SPIRE1: variants seen among roughly 807,000 people sequenced by gnomAD.
SPIRE1 encodes protein spire homolog 1.
Under a neutral mutation model 94.1 loss-of-function variants are expected in SPIRE1, and 40 were observed. The ratio of observed to expected loss-of-function variants is 0.43; its 90% CI spans 0.33 to 0.55. The LOEUF is 0.55. Among genes scored for constraint, SPIRE1 ranks in the 20% least tolerant of loss-of-function variants. The pLI is 0.06. For missense variants in SPIRE1, 838 were observed against 975.2 expected, an observed-to-expected ratio of 0.86 and a Z score of 1.87; for synonymous variants, 376 against 371.7, an observed-to-expected ratio of 1.01 and a Z score of -0.13.
chr18:12,516,199 T>G (rs1255071204), intron 4 of SPIRE1: 1 of 152,192 alleles, frequency 6.6e-6, no homozygotes, highest in Non-Finnish European at 1.5e-5. Context: ...AAGATCCTTC[T>G]GTTGAGAAAT....
At chr18:12,484,420 C>T (rs1254605344) in intron 9 of SPIRE1, among the ~76,000 whole-genome samples, 2 of 152,036 alleles carry the variant, frequency 1.3e-5, no homozygotes, top group Non-Finnish European at 2.9e-5. Context: ...CTTCAGTGGT[C>T]AGTCAAAAAT....
Position 12,525,759 on chromosome 18 carries a change from A to G in SPIRE1, c.729+9717T>C, listed in dbSNP as rs189668394. On this transcript the variant is annotated intron_variant, in intron 4 of 16. Coordinates refer to ENST00000409402, the MANE Select transcript of SPIRE1 (RefSeq NM_001128626.2). ...AGATTTCTGTTTTAAAGCAAAAACT[A>G]TCTTTAAAACAAAGGAGTTCTATTT... is the stretch of plus-strand genomic sequence containing the variant. 5.3e-5 allele frequency among the ~76,000 whole-genome samples: 8 copies of G among 152,304 alleles called. No homozygotes were observed. The East Asian group carries it at 9.6e-4, about 18-fold the overall frequency.
chr18:12,521,654 A>C (rs530862524), intron 4 of SPIRE1, among the ~76,000 whole-genome samples: 1 of 152,230 alleles, frequency 6.6e-6, no homozygotes, highest in African/African-American at 2.4e-5. Flanking sequence ...TGTTTTTACA[A>C]ATTGAAGGTT....
At chr18:12,591,505 G>T (rs1042932814) in intron 2 of SPIRE1, among the ~76,000 whole-genome samples, 1 of 152,154 alleles carries the variant, frequency 6.6e-6, no homozygotes, top group Non-Finnish European at 1.5e-5. Context: ...GTTGCCTCTG[G>T]CTCCTGACTG....
chr18:12,451,580 A>G (rs1041009735), intron 16 of SPIRE1, among the ~76,000 whole-genome samples: 8 of 152,210 alleles, frequency 5.3e-5, no homozygotes, highest in African/African-American at 1.9e-4. Context: ...ACAGAGGCAG[A>G]CGTTTCAGGC....
chr18:12,628,012 A>C (rs1465662346), intron 2 of SPIRE1, among the ~76,000 whole-genome samples: 3 of 151,682 alleles, frequency 2.0e-5, no homozygotes, highest in Non-Finnish European at 4.4e-5. Context: ...TTTCCTGTTC[A>C]CTCTGAGGGT....
chr18:12,658,022 G>A lies in SPIRE1; in HGVS notation c.-156C>T. 1 of 992,980 alleles carries A rather than the reference G, an allele frequency of 1.0e-6. No homozygotes were observed. Among genetic ancestry groups the A allele is most frequent in the Non-Finnish European group, 1.2e-6 (1 of 836,122 alleles). 61.5% of individuals were successfully genotyped at this position (992,980 alleles called of 1,614,324 possible). A position where few individuals can be genotyped will look rare whatever the true frequency, so the allele number is the denominator to read the frequency against. ...GCCGCCGGGACCAGGCGAGTGCCCG[G>A]GAGGCGTGGGCAAGAGGAGGGCGGC... On this transcript the variant is annotated 5_prime_UTR_variant, in exon 1 of 17. Transcript: ENST00000409402.
chr18:12,560,552 GA>G (rs1334964927), intron 2 of SPIRE1, among the ~76,000 whole-genome samples: 10 of 152,122 alleles, frequency 6.6e-5, no homozygotes, highest in Admixed American at 2.6e-4. Flanking sequence ...TGAACTTCTG[GA>G]GATAGCAGAA....
chr18:12,590,383 C>G lies in SPIRE1; in HGVS notation c.373-43479G>C, dbSNP rs551376046. Among the ~76,000 whole-genome samples the G allele has an allele frequency of 3.9e-5, 6 of 152,238 alleles. No individual in the cohort carries two copies. The South Asian group carries it at 1.2e-3, about 32-fold the overall frequency. On this transcript the variant is annotated intron_variant, in intron 2 of 16. Transcript: ENST00000409402. ...GGGATTACAGACGTGAGCCACCGTGCCTGGCCGCATCTCCTAATTTCTGAA... is the reference window on the plus strand; with the variant it reads ...GGGATTACAGACGTGAGCCACCGTGGCTGGCCGCATCTCCTAATTTCTGAA...
intron 4 of SPIRE1, among the ~76,000 whole-genome samples, chr18:12,529,503 T>C (rs1011613944): frequency 2.4e-4 from 36 of 152,086 alleles, no homozygotes; most frequent in African/African-American, 8.5e-4. Context: ...AAGACAACAC[T>C]TATAAGAAGC....
chr18:12,573,833 G>A (rs559346920), intron 2 of SPIRE1, among the ~76,000 whole-genome samples: 2 of 151,928 alleles, frequency 1.3e-5, no homozygotes, highest in East Asian at 1.9e-4. Flanking sequence ...TCCGCCTCCC[G>A]GGTTCACGCC....
rs371987064 is a variant in SPIRE1, at chr18:12,464,943, T to G, written c.1420A>C (p.Lys474Gln). The G allele has an allele frequency of 6.8e-6, 11 of 1,613,896 alleles. No individual in the cohort carries two copies. The highest frequency in any genetic ancestry group is 9.3e-6 in the Non-Finnish European group (11 of 1,179,984). The change falls in exon 11 of 17, where the codon AAG becomes CAG. Residue 474 changes from lysine to glutamine, a missense_variant. By Grantham distance (53) the Lys-to-Gln change is moderately conservative. Coordinates refer to ENST00000409402, the MANE Select transcript of SPIRE1 (RefSeq NM_001128626.2). Reference protein sequence around the residue: ...SSESEEETLHKSTSSSSVSPS... With the variant: ...SSESEEETLHQSTSSSSVSPS... ...GACACGCTGCTGCTGCTGGTCGACT[T>G]GTGCAGCGTTTCTTCCTGAGCAAAG... is the stretch of plus-strand genomic sequence containing the variant.
At chr18:12,526,042 C>G in intron 4 of SPIRE1, among the ~76,000 whole-genome samples, 1 of 141,170 alleles carries the variant, frequency 7.1e-6, no homozygotes, top group African/African-American at 2.7e-5. Flanking sequence ...AGTCTAGGGT[C>G]AGAATACTGA....
chr18:12,638,125 A>T (rs1210507091), intron 1 of SPIRE1, among the ~76,000 whole-genome samples: 5 of 152,166 alleles, frequency 3.3e-5, no homozygotes, highest in Admixed American at 6.5e-5. Flanking sequence ...CTTGGAAATG[A>T]TCTTGCTCAA....
intron 4 of SPIRE1, among the ~76,000 whole-genome samples, chr18:12,522,654 T>G (rs1325837736): frequency 6.6e-6 from 1 of 152,198 alleles, no homozygotes; most frequent in Admixed American, 6.5e-5. Context: ...GACTCTCTTG[T>G]TAGGGGCTAA....
chr18:12,464,897 G>A lies in SPIRE1; in HGVS notation c.1466C>T (p.Pro489Leu), dbSNP rs1436990032. Residue 489 changes from proline to leucine, a missense_variant, in exon 11 of 17, where the codon CCA becomes CTA. Physicochemically the swap from Pro to Leu is moderately conservative, Grantham distance 98 (BLOSUM62 -3). This residue lies in a region of SPIRE1 where 645 missense variants were observed against 804.7 expected (regional missense o/e 0.80). Transcript: ENST00000409402. ...SSVSPSFPEE[P>L]VLEAVSTRKK... The stretch of plus-strand genomic sequence containing the variant: ...CCTTGTGGACACGGCCTCCAGGACT[G>A]GCTCTTCAGGGAAAGAGGGAGACAC... 6.2e-7 allele frequency: 1 copy of A among 1,613,892 alleles called. No homozygotes were observed. The highest frequency in any genetic ancestry group is 1.3e-5 in the African/African-American group (1 of 74,888).
At chr18:12,537,664 T>C (rs1477185276) in intron 3 of SPIRE1, among the ~76,000 whole-genome samples, 1 of 152,202 alleles carries the variant, frequency 6.6e-6, no homozygotes, top group Non-Finnish European at 1.5e-5. Flanking sequence ...ATTTCAGCAG[T>C]TGCAGAATAC....
At chr18:12,604,409 G>T (rs2036916780) in intron 2 of SPIRE1, among the ~76,000 whole-genome samples, 1 of 152,182 alleles carries the variant, frequency 6.6e-6, no homozygotes, top group South Asian at 2.1e-4. Flanking sequence ...TTGGTGAGCA[G>T]AAGTCACAGA....
intron 2 of SPIRE1, among the ~76,000 whole-genome samples, chr18:12,557,587 C>A (rs181085850): frequency 6.6e-6 from 1 of 152,274 alleles, no homozygotes; most frequent in Admixed American, 6.5e-5. Context: ...CAGAGAGGGG[C>A]TCCCACAGTG....
Sources: gnomAD v4.1 joint callset for allele counts (sites outside exome capture counted in the v4.1 genomes callset) on GRCh38, gnomAD v4.1.1 for gene constraint, gnomAD v4.1.1 regional missense constraint, MANE v1.5 for transcripts, NCBI Gene and HGNC (gene_info 2026-07-23, HGNC 2026-07-21) for gene names.